SDK2: variants seen among roughly 807,000 people sequenced by gnomAD.
SDK2 encodes sidekick cell adhesion molecule 2.
Under a neutral mutation model 253.9 loss-of-function variants are expected in SDK2, and 105 were observed. The observed-to-expected ratio is 0.41, with a 90% CI of 0.35 to 0.49. The LOEUF is 0.49. Among genes scored for constraint, SDK2 ranks in the 20% least tolerant of loss-of-function variants. The probability of loss-of-function intolerance (pLI) is 0.06; values close to 1 mark genes in which losing one functional copy is unlikely to be tolerated. For synonymous variants in SDK2, 1,249 were observed against 1,234.9 expected (o/e 1.01, Z -0.24); for missense variants, 2,608 against 3,003.0 (o/e 0.87, Z 3.07).
chr17:73,638,035 C>T (rs1430115784), intron 1 of SDK2, among the ~76,000 whole-genome samples: 1 of 152,232 alleles, frequency 6.6e-6, no homozygotes, highest in Non-Finnish European at 1.5e-5. Flanking sequence ...GGGCGGGGCC[C>T]CCACTCTTGA....
In SDK2 at chr17:73,361,602, A is replaced by AGCTCTTGACACCGGGG; in HGVS notation, c.5467+66_5467+81dup. The AGCTCTTGACACCGGGG allele has an allele frequency of 7.0e-7, 1 of 1,428,688 alleles. No individual in the cohort carries two copies. The highest frequency in any genetic ancestry group is 9.7e-7 in the Non-Finnish European group (1 of 1,031,898). The allele number at this position is 1,428,688 out of a possible 1,614,324, so 88.5% of individuals were successfully genotyped here. On this transcript the variant is annotated intron_variant, in intron 39 of 44. Transcript: ENST00000392650. This position sits in a 1 kb window ranked among gnomAD's most constrained non-coding sequence, Gnocchi z 4.1. ...CCACTCTGTTTCCAGGGTCCAGCAC[A>AGCTCTTGACACCGGGG]GCTCTTGACACCGGGGGCCCCTTCT...
intron 1 of SDK2, among the ~76,000 whole-genome samples, chr17:73,583,786 C>G (rs1390703543): frequency 6.6e-6 from 1 of 152,212 alleles, no homozygotes; most frequent in Non-Finnish European, 1.5e-5. Flanking sequence ...ATCAAAGGCC[C>G]TGAGCTCCAG....
At chr17:73,521,753 C>G (rs9652809) in intron 1 of SDK2, among the ~76,000 whole-genome samples, 1 of 152,134 alleles carries the variant, frequency 6.6e-6, no homozygotes, top group Non-Finnish European at 1.5e-5. Flanking sequence ...ACAGACTGCT[C>G]GAGACAGAGT....
chr17:73,383,416 G>A lies in SDK2; in HGVS notation c.4705+460C>T, dbSNP rs1472762163. 6.6e-6 allele frequency among the ~76,000 whole-genome samples: 1 copy of A among 152,208 alleles called. No homozygotes were observed. The highest frequency in any genetic ancestry group is 1.5e-5 in the Non-Finnish European group (1 of 68,038). ...GGGGGCCAGGACTACTGCTCTAGGG[G>A]TGTGACCAGGTGAGGCTTCTGGTCC... On this transcript the variant is annotated intron_variant, in intron 33 of 44. Coordinates refer to ENST00000392650, the MANE Select transcript of SDK2 (RefSeq NM_001144952.2). The surrounding 1 kb of genome is among the most constrained non-coding windows in gnomAD (Gnocchi z 4.3).
intron 31 of SDK2, 35 bp from the exon 32 acceptor site, chr17:73,385,952 C>A (rs373973350): frequency 1.7e-5 from 26 of 1,517,470 alleles, no homozygotes; most frequent in Middle Eastern, 1.7e-4. Context: ...GTTCTGGGGG[C>A]CGCAGCTTCA....
chr17:73,347,736 G>A (rs1220195130), intron 44 of SDK2, among the ~76,000 whole-genome samples: 1 of 151,898 alleles, frequency 6.6e-6, no homozygotes, highest in African/African-American at 2.4e-5. Context: ...AGAGGGTGAG[G>A]GTGGGAAGCT....
intron 14 of SDK2, among the ~76,000 whole-genome samples, chr17:73,422,670 G>T (rs1426480137): frequency 6.6e-6 from 1 of 152,034 alleles, no homozygotes; most frequent in African/African-American, 2.4e-5. Flanking sequence ...GAACTGAGAT[G>T]CATTTGTCTC....
chr17:73,339,213 G>GT (rs11290598), intron 44 of SDK2, among the ~76,000 whole-genome samples: 25 of 127,670 alleles, frequency 2.0e-4, no homozygotes, highest in East Asian at 2.1e-4. Flanking sequence ...GAAGACCTGA[G>GT]TTTTTTTTTG....
chr17:73,401,258 T>A, intron 20 of SDK2, 47 bp from the exon 21 acceptor site: 1 of 1,493,992 alleles, frequency 6.7e-7, no homozygotes, highest in Non-Finnish European at 9.0e-7. Context: ...TGATCACAAG[T>A]TGGCCTGACC....
chr17:73,380,124 G>A (rs757267363), intron 34 of SDK2, among the ~76,000 whole-genome samples: 55 of 152,132 alleles, frequency 3.6e-4, no homozygotes, highest in Non-Finnish European at 5.9e-4. Flanking sequence ...ACTGTCCCCC[G>A]TAGCTGAAAG....
At chr17:73,470,278 T>G (rs1028723438) in intron 3 of SDK2, among the ~76,000 whole-genome samples, 3 of 150,482 alleles carry the variant, frequency 2.0e-5, no homozygotes, top group African/African-American at 7.4e-5. Context: ...CACACATGCA[T>G]GCATGCATGC....
At chr17:73,370,683 A>G (rs866006653) in intron 36 of SDK2, among the ~76,000 whole-genome samples, 1 of 151,758 alleles carries the variant, frequency 6.6e-6, no homozygotes, top group Admixed American at 6.6e-5. Context: ...TCAGCCCCCC[A>G]GGTAGCTCTG....
intron 3 of SDK2, among the ~76,000 whole-genome samples, chr17:73,464,426 G>A (rs1317068284): frequency 6.6e-6 from 1 of 152,238 alleles, no homozygotes; most frequent in Non-Finnish European, 1.5e-5. Flanking sequence ...CTCTAGCCAT[G>A]TGGAACTGTG....
chr17:73,455,115 G>A lies in SDK2; in HGVS notation c.479+791C>T, dbSNP rs1599582183. On this transcript the variant is annotated intron_variant, in intron 4 of 44. Transcript: ENST00000392650. The surrounding 1 kb of genome is among the most constrained non-coding windows in gnomAD (Gnocchi z 5.0). ...CATCTACGCCTCCACTCTCTACAGA[G>A]ACCAGGACAGGCTCAGTCCTGTGTA... 6.6e-6 allele frequency among the ~76,000 whole-genome samples: 1 copy of A among 152,166 alleles called. No homozygotes were observed. Among genetic ancestry groups the A allele is most frequent in the African/African-American group, 2.4e-5 (1 of 41,432 alleles).
chr17:73,580,585 G>A (rs1298109110), intron 1 of SDK2, among the ~76,000 whole-genome samples: 1 of 152,272 alleles, frequency 6.6e-6, no homozygotes, highest in Non-Finnish European at 1.5e-5. Flanking sequence ...TTGGTTTAAT[G>A]TTTTGCTGTT....
chr17:73,411,077 C>T (rs183504111), intron 18 of SDK2, among the ~76,000 whole-genome samples: 1 of 152,192 alleles, frequency 6.6e-6, no homozygotes, highest in Admixed American at 6.5e-5. Context: ...TGCCTCCCCC[C>T]AGGGTCCCAA....
At chr17:73,406,246 C>CTTTTTTTTTTTT (rs56122304) in intron 18 of SDK2, among the ~76,000 whole-genome samples, 1 of 139,826 alleles carries the variant, frequency 7.2e-6, no homozygotes, top group African/African-American at 2.6e-5. Flanking sequence ...CTACTACACT[C>CTTTTTTTTTTTT]TTTTTTTTTT....
chr17:73,395,230 C>G lies in SDK2; in HGVS notation c.3517G>C (p.Val1173Leu), dbSNP rs752822717. The change falls in exon 25 of 45, where the codon GTC becomes CTC. Residue 1173 changes from valine to leucine, a missense_variant. Around this residue, in one of 2 missense-constraint regions of SDK2, gnomAD observed 1,505 missense variants for 1,859.1 expected, o/e 0.81. Transcript: ENST00000392650. The surrounding 1 kb of genome is among the most constrained non-coding windows in gnomAD (Gnocchi z 4.3). Reference protein sequence around the residue: ...EDLEEWTEYRVQVQAFNAIGS... With the variant: ...EDLEEWTEYRLQVQAFNAIGS... ...ATGGCGTTGAAGGCCTGGACCTGGA[C>G]GCGGTACTCTGTCCACTCCTCCAGG... is the stretch of plus-strand genomic sequence containing the variant. 6.2e-7 allele frequency: 1 copy of G among 1,613,236 alleles called. No homozygotes were observed. The highest frequency in any genetic ancestry group is 1.7e-5 in the Admixed American group (1 of 59,906).
intron 21 of SDK2, 94 bp from the exon 22 acceptor site, chr17:73,399,383 C>G: frequency 1.5e-6 from 2 of 1,334,984 alleles, no homozygotes; most frequent in East Asian, 2.4e-5. Context: ...CTGTGTGTCA[C>G]GCTTTTCCTG....
Sources: gnomAD v4.1 joint callset for allele counts (sites outside exome capture counted in the v4.1 genomes callset) on GRCh38, gnomAD v4.1.1 for gene constraint, gnomAD v4.1.1 regional missense constraint, Gnocchi (gnomAD v3.1) non-coding constraint, MANE v1.5 for transcripts, NCBI Gene and HGNC (gene_info 2026-07-23, HGNC 2026-07-21) for gene names.